ALG6: variants seen among roughly 807,000 people sequenced by gnomAD.
ALG6 encodes the protein dolichyl pyrophosphate Man9GlcNAc2 alpha-1,3-glucosyltransferase.
In ALG6, 46 loss-of-function variants were observed where a neutral mutation model predicts 66.6. That is an observed-to-expected ratio of 0.69 (90% CI 0.55 to 0.88). The LOEUF is 0.88. ALG6 is among the 40% of genes least tolerant of loss of function. The pLI is 0.00. For missense variants in ALG6, 505 were observed against 586.8 expected (o/e 0.86, Z 1.44); for synonymous variants, 185 against 203.7 (o/e 0.91, Z 0.78).
In ALG6 at chr1:63,419,540, T is replaced by G. The variant is rs999721179; in HGVS notation, c.1058+100T>G. 1.3e-4 allele frequency: 110 copies of G among 837,032 alleles called. 1 individual carries two copies. Among genetic ancestry groups the G allele is most frequent in the Non-Finnish European group, 1.1e-4 (59 of 549,560 alleles). 51.9% of individuals were successfully genotyped at this position (837,032 alleles called of 1,614,324 possible). On this transcript the variant is annotated intron_variant, in intron 12 of 14. Transcript: ENST00000263440. ...TGAATGCAAAACAAAACTACACAAA[T>G]GTTATATCTTTGCATAAAATGATTT... is the stretch of plus-strand genomic sequence containing the variant.
At chr1:63,410,964 A>G (rs1168611498) in intron 7 of ALG6, among the ~76,000 whole-genome samples, 182 bp from the exon 8 acceptor site, 1 of 152,198 alleles carries the variant, frequency 6.6e-6, no homozygotes, top group African/African-American at 2.4e-5. Flanking sequence ...ATGTTTGTTT[A>G]TCACTTCAGT....
rs747838295 is a variant in ALG6 at position 63,436,803 on chromosome 1, A to G, written c.1327-20A>G. On this transcript the variant is annotated intron_variant, in intron 14 of 14. Coordinates refer to ENST00000263440, the MANE Select transcript of ALG6 (RefSeq NM_013339.4). Reference sequence around the variant, plus strand: ...AATTTCACCTTTTATACTACTCAGTAATCCTTTTTTTCCTTGCAGTTTCTT... The same window carrying G: ...AATTTCACCTTTTATACTACTCAGTGATCCTTTTTTTCCTTGCAGTTTCTT... 1.9e-6 allele frequency: 3 copies of G among 1,610,694 alleles called. No individual in the cohort carries two copies. In the South Asian group the frequency reaches 3.3e-5, roughly 18 times the overall value.
At chr1:63,379,902 T>G (rs929658068) in intron 2 of ALG6, among the ~76,000 whole-genome samples, 1 of 151,814 alleles carries the variant, frequency 6.6e-6, no homozygotes, top group African/African-American at 2.4e-5. Flanking sequence ...TCTATATTTT[T>G]AAAAGCTCCA....
intron 2 of ALG6, among the ~76,000 whole-genome samples, chr1:63,382,897 C>T (rs1387400817): frequency 2.6e-5 from 4 of 151,962 alleles, no homozygotes; most frequent in South Asian, 2.1e-4. Context: ...AGGATGGTCT[C>T]GAGCTCCTGA....
At chr1:63,371,106 A>C (rs1203919153) in intron 2 of ALG6, 47 bp downstream of exon 2, 3 of 1,329,470 alleles carry the variant, frequency 2.3e-6, no homozygotes, top group Non-Finnish European at 3.3e-6. Context: ...TTTCCTTTGA[A>C]TAGGTGTTTG....
intron 2 of ALG6, among the ~76,000 whole-genome samples, chr1:63,385,795 T>C (rs1307435065): frequency 2.6e-5 from 4 of 152,234 alleles, no homozygotes; most frequent in Non-Finnish European, 4.4e-5. Context: ...CTTTCCAGTT[T>C]GGGTGACCTT....
At chr1:63,383,871 G>C (rs1230369736) in intron 2 of ALG6, among the ~76,000 whole-genome samples, 1 of 152,104 alleles carries the variant, frequency 6.6e-6, no homozygotes, top group East Asian at 1.9e-4. Context: ...ATCTCCAAGA[G>C]TTCAATTGTT....
rs149419958 is a variant in ALG6 at position 63,383,876 on chromosome 1, A to G, written c.83-12637A>G. Among the ~76,000 whole-genome samples the G allele has an allele frequency of 2.1e-3, 320 of 152,194 alleles. 6 individuals carry two copies. The highest frequency in any genetic ancestry group is 8.7e-3 in the South Asian group (42 of 4,820). ...TCTGTTCTTCATCTCCAAGAGTTCA[A>G]TTGTTTCAATTTTTAGCTCCCACTA... On this transcript the variant is annotated intron_variant, in intron 2 of 14. Transcript: ENST00000263440.
At chr1:63,436,724 C>G in intron 14 of ALG6, 99 bp from the exon 15 acceptor site, 1 of 1,178,650 alleles carries the variant, frequency 8.5e-7, no homozygotes, top group Non-Finnish European at 1.3e-6. Flanking sequence ...CCTCAACCCT[C>G]ACCTTTAATT....
At chr1:63,404,912 T>C (rs1014652317) in intron 5 of ALG6, among the ~76,000 whole-genome samples, 2 of 152,150 alleles carry the variant, frequency 1.3e-5, no homozygotes, top group Non-Finnish European at 2.9e-5. Flanking sequence ...ATATCCTAAT[T>C]CTAAATTTCT....
intron 9 of ALG6, 79 bp from the exon 10 acceptor site, chr1:63,413,982 A>G: frequency 2.8e-6 from 3 of 1,073,500 alleles, no homozygotes; most frequent in Admixed American, 1.8e-5. Flanking sequence ...AGTTTATTAG[A>G]GATTATGGGC....
At chr1:63,418,567 C>G (rs1451644967) in intron 11 of ALG6, among the ~76,000 whole-genome samples, 2 of 151,888 alleles carry the variant, frequency 1.3e-5, no homozygotes, top group African/African-American at 4.8e-5. Context: ...GGATTTTTTT[C>G]TAAGTATAAT....
In ALG6 at chr1:63,370,955, C is replaced by T. The variant is rs370087611; in HGVS notation, c.-23C>T. 3 of 1,482,032 alleles carry T rather than the reference C, an allele frequency of 2.0e-6. No homozygotes were observed. In the African/African-American group the frequency reaches 4.2e-5, roughly 21 times the overall value. The allele number at this position is 1,482,032 out of a possible 1,614,324, so 91.8% of individuals were successfully genotyped here. A position where few individuals can be genotyped will look rare whatever the true frequency, so the allele number is the denominator to read the frequency against. Reference sequence around the variant, plus strand: ...TCTGGCACTGGTGCTGTGTTTTCTTCCCCTCCCTAAATTTGAAGAACTATG... The same window carrying T: ...TCTGGCACTGGTGCTGTGTTTTCTTTCCCTCCCTAAATTTGAAGAACTATG... On this transcript the variant is annotated 5_prime_UTR_variant, in exon 2 of 15. Coordinates refer to ENST00000263440, the MANE Select transcript of ALG6 (RefSeq NM_013339.4).
chr1:63,371,179 G>T (rs1036841662), intron 2 of ALG6, 120 bp downstream of exon 2: 13 of 696,922 alleles, frequency 1.9e-5, no homozygotes, highest in Non-Finnish European at 3.1e-5. Flanking sequence ...TTTTTGATAT[G>T]GTTGAGAAAA....
intron 9 of ALG6, 120 bp from the exon 10 acceptor site, chr1:63,413,941 T>C (rs1644529123): frequency 1.7e-5 from 12 of 705,578 alleles, no homozygotes; most frequent in Middle Eastern, 3.4e-4. Context: ...TATTTAGTTA[T>C]AATTGTGACT....
intron 12 of ALG6, among the ~76,000 whole-genome samples, chr1:63,424,286 G>A (rs9436668): frequency 0.038 from 5,836 of 152,102 alleles, 421 homozygotes; most frequent in African/African-American, 0.13. Context: ...GACTACAGGC[G>A]CGTGCCACCA....
rs1021454264 is a variant in ALG6, at chr1:63,433,131, C to T, written c.1327-3692C>T. ...CCAATTTTTGTATTTTTAATAGAGACGGGGTTTCACCATATTGGCCAGGCT... is the reference window on the plus strand; with the variant it reads ...CCAATTTTTGTATTTTTAATAGAGATGGGGTTTCACCATATTGGCCAGGCT... On this transcript the variant is annotated intron_variant, in intron 14 of 14. Coordinates refer to ENST00000263440, the MANE Select transcript of ALG6 (RefSeq NM_013339.4). This position sits in a 1 kb window ranked among gnomAD's most constrained non-coding sequence, Gnocchi z 4.2. Among the ~76,000 whole-genome samples, 7 of 151,978 alleles carry T rather than the reference C, an allele frequency of 4.6e-5. No individual in the cohort carries two copies. The highest frequency in any genetic ancestry group is 7.4e-5 in the Non-Finnish European group (5 of 67,988).
At chr1:63,410,475 C>T (rs1351298000) in intron 7 of ALG6, among the ~76,000 whole-genome samples, 11 of 152,104 alleles carry the variant, frequency 7.2e-5, no homozygotes, top group Non-Finnish European at 4.4e-5. Flanking sequence ...AGGCTGGTCT[C>T]AAACTCCTGG....
intron 3 of ALG6, 109 bp downstream of exon 3, chr1:63,396,706 T>G (rs1648835355): frequency 2.8e-5 from 27 of 964,796 alleles, no homozygotes; most frequent in East Asian, 5.2e-5. Flanking sequence ...TCCTCATCTC[T>G]TGCATGCTGG....
Sources: allele counts gnomAD v4.1 joint callset (sites outside exome capture counted in the v4.1 genomes callset), GRCh38; gene constraint gnomAD v4.1.1; non-coding constraint Gnocchi (gnomAD v3.1); transcripts MANE v1.5; gene names NCBI Gene and HGNC (gene_info 2026-07-23, HGNC 2026-07-21).